The following CACNA1D variants were observed in gnomAD, a reference collection of about 807,000 sequenced individuals.
The protein encoded by CACNA1D is calcium voltage-gated channel subunit alpha1 D.
A neutral mutation model predicts 257.1 loss-of-function variants in CACNA1D; 55 were observed. That is an observed-to-expected ratio of 0.21 (90% confidence interval 0.17 to 0.27). The LOEUF (loss-of-function observed/expected upper bound fraction) is 0.27. Ranked by LOEUF, CACNA1D falls within the 10% of genes least tolerant of loss-of-function variation. The pLI is 1.00. For missense variants in CACNA1D, 1,876 were observed against 2,784.0 expected, an observed-to-expected ratio of 0.67 and a Z score of 7.34; for synonymous variants, 980 against 1,014.9, an observed-to-expected ratio of 0.97 and a Z score of 0.65.
chr3:53,805,095 T>C lies in CACNA1D; in HGVS notation c.5698T>C (p.Tyr1900His). 1 of 1,614,132 alleles carries C rather than the reference T, an allele frequency of 6.2e-7. No individual in the cohort carries two copies. The highest frequency in any genetic ancestry group is 8.5e-7 in the Non-Finnish European group (1 of 1,180,028). ...FLEDDDSPVC[Y>H]DSRRSPRRRL... is the part of the protein sequence containing the mutation. The stretch of plus-strand genomic sequence containing the variant: ...GGAGGACGATGACTCGCCCGTTTGC[T>C]ATGATTCACGGAGATCTCCAAGGAG... Residue 1900 changes from tyrosine to histidine, a missense_variant, in exon 45 of 48, where the codon TAT becomes CAT. Physicochemically the swap from Tyr to His is moderately conservative, Grantham distance 83. Transcript: ENST00000350061.
chr3:53,639,367 A>AAATGAGAT (rs1453373055), intron 3 of CACNA1D, among the ~76,000 whole-genome samples: 1 of 151,780 alleles, frequency 6.6e-6, no homozygotes, highest in Non-Finnish European at 1.5e-5. Context: ...AGCAACAGGG[A>AAATGAGAT]AATGAGATTT....
chr3:53,719,926 A>G, intron 11 of CACNA1D, 145 bp downstream of exon 11: 1 of 835,448 alleles, frequency 1.2e-6, no homozygotes, highest in Non-Finnish European at 2.1e-6. Context: ...AGTCAATTGA[A>G]TCCTATGAGC....
chr3:53,604,494 G>A lies in CACNA1D; in HGVS notation c.484-46285G>A, dbSNP rs2093482582. ...TCAAATGGAGGGCTTTTTGAAGAAG[G>A]CATTGAACACCTCCCCACCCACCCC... On this transcript the variant is annotated intron_variant, in intron 3 of 47. Coordinates refer to ENST00000350061, the MANE Select transcript of CACNA1D (RefSeq NM_001128840.3). 2.6e-5 allele frequency among the ~76,000 whole-genome samples: 4 copies of A among 152,142 alleles called. 1 individual carries two copies. The highest frequency in any genetic ancestry group is 5.9e-5 in the Non-Finnish European group (4 of 68,024).
At position 53,774,201 on chromosome 3, in the gene CACNA1D, T is replaced by G; in HGVS notation, c.4111-386T>G. 1 of 275,846 alleles carries G rather than the reference T, an allele frequency of 3.6e-6. No individual in the cohort carries two copies. The allele number at this position is 275,846 out of a possible 1,614,324, so 17.1% of individuals were successfully genotyped here. ...ACCTGATGTATCTTTCAGTTCTGAG[T>G]TTACATGTCACTTCCCCCTAGAGGC... is the stretch of plus-strand genomic sequence containing the variant. On this transcript the variant is annotated intron_variant, in intron 33 of 47. Coordinates refer to ENST00000350061, the MANE Select transcript of CACNA1D (RefSeq NM_001128840.3). This position sits in a 1 kb window ranked among gnomAD's most constrained non-coding sequence, Gnocchi z 4.3.
At chr3:53,569,205 G>C (rs1045345084) in intron 3 of CACNA1D, among the ~76,000 whole-genome samples, 1 of 152,116 alleles carries the variant, frequency 6.6e-6, no homozygotes, top group African/African-American at 2.4e-5. Flanking sequence ...ATCTTACCCA[G>C]TCTGGAGTTT....
At chr3:53,782,945 G>A (rs550514253) in intron 39 of CACNA1D, 2 of 152,202 alleles carry the variant, frequency 1.3e-5, no homozygotes, top group African/African-American at 4.8e-5. Context: ...TTGTAACAAT[G>A]TGCTTGAGCT....
intron 25 of CACNA1D, among the ~76,000 whole-genome samples, chr3:53,746,940 T>C (rs767579787): frequency 4.6e-5 from 7 of 152,206 alleles, no homozygotes; most frequent in Non-Finnish European, 7.3e-5. Context: ...TCCTAGAGCC[T>C]ACAGAGTTCT....
intron 40 of CACNA1D, chr3:53,799,833 C>A (rs1291500751): frequency 1.8e-5 from 5 of 284,066 alleles, no homozygotes; most frequent in Non-Finnish European, 3.4e-5. Flanking sequence ...GAGTCCACAT[C>A]AGCCTCCCTT....
At position 53,560,713 on chromosome 3, in the gene CACNA1D, A is replaced by G. The variant is rs560936716; in HGVS notation, c.483+58993A>G. 3.3e-5 allele frequency among the ~76,000 whole-genome samples: 5 copies of G among 152,350 alleles called. No homozygotes were observed. In the East Asian group the frequency reaches 9.6e-4, roughly 29 times the overall value. ...CCAATTAAACTATTGATTGACACTG[A>G]AATTTGAATTTCTTATACTTTTCAT... On this transcript the variant is annotated intron_variant, in intron 3 of 47. Transcript: ENST00000350061.
At chr3:53,781,065 T>C (rs1163623640) in intron 38 of CACNA1D, among the ~76,000 whole-genome samples, 1 of 152,254 alleles carries the variant, frequency 6.6e-6, no homozygotes, top group Admixed American at 6.5e-5. Context: ...TCCTCTATAC[T>C]GACATGTTAG....
intron 3 of CACNA1D, among the ~76,000 whole-genome samples, chr3:53,598,621 C>T (rs2093402347): frequency 6.6e-6 from 1 of 151,982 alleles, no homozygotes; most frequent in African/African-American, 2.4e-5. Flanking sequence ...AAAGCAAAGC[C>T]TTGTCCTGTT....
chr3:53,622,130 A>G (rs1341802552), intron 3 of CACNA1D, among the ~76,000 whole-genome samples: 2 of 151,880 alleles, frequency 1.3e-5, no homozygotes, highest in Non-Finnish European at 2.9e-5. Context: ...AGCTCACGGC[A>G]ACCTCTATCT....
chr3:53,560,404 A>C (rs62251903), intron 3 of CACNA1D, among the ~76,000 whole-genome samples: 27,235 of 152,190 alleles, frequency 0.18, 2,779 homozygotes, highest in Non-Finnish European at 0.24. Flanking sequence ...CTGTTTATTT[A>C]TTAATCAAAT....
chr3:53,779,901 T>C (rs771969567), intron 37 of CACNA1D, 125 bp from the exon 38 acceptor site: 20 of 764,106 alleles, frequency 2.6e-5, no homozygotes, highest in Non-Finnish European at 4.2e-5. Flanking sequence ...CCCAAATGGC[T>C]GTTGAATGGA....
At chr3:53,691,120 AAG>A (rs1313322735) in intron 8 of CACNA1D, among the ~76,000 whole-genome samples, 1 of 152,016 alleles carries the variant, frequency 6.6e-6, no homozygotes, top group East Asian at 1.9e-4. Context: ...GATGGCAGAA[AAG>A]AGAGCCCATG....
At chr3:53,520,782 T>C (rs529992429) in intron 3 of CACNA1D, among the ~76,000 whole-genome samples, 1 of 152,056 alleles carries the variant, frequency 6.6e-6, no homozygotes, top group South Asian at 2.1e-4. Context: ...AAAAAAATTA[T>C]TGGTTTATAA....
At chr3:53,662,533 C>T (rs1349502980) in intron 5 of CACNA1D, among the ~76,000 whole-genome samples, 1 of 152,194 alleles carries the variant, frequency 6.6e-6, no homozygotes, top group Non-Finnish European at 1.5e-5. Context: ...TCTGGTCTAC[C>T]TGCATCTTTT....
rs758936849 is a variant in CACNA1D at position 53,801,338 on chromosome 3, T to A, written c.5321T>A (p.Ile1774Asn). ...SKAAHGKRPSIGNLEHVSENG... is the reference protein window; with the variant it reads ...SKAAHGKRPSNGNLEHVSENG... The stretch of plus-strand genomic sequence containing the variant: ...GCTGCCCATGGAAAGCGGCCCAGCA[T>A]TGGGAACCTTGAGCATGTGTCTGAA... Residue 1774 changes from isoleucine to asparagine, a missense_variant, in exon 42 of 48, where the codon ATT (isoleucine) becomes AAT (asparagine). Transcript: ENST00000350061. The A allele has an allele frequency of 8.7e-6, 14 of 1,614,090 alleles. No individual in the cohort carries two copies. Among genetic ancestry groups the A allele is most frequent in the Admixed American group, 3.3e-5 (2 of 60,000 alleles).
At chr3:53,804,863 C>G in intron 44 of CACNA1D, 120 bp from the exon 45 acceptor site, 1 of 968,758 alleles carries the variant, frequency 1.0e-6, no homozygotes, top group Non-Finnish European at 1.7e-6. Flanking sequence ...GCCTTGTTCT[C>G]AGCCAATCCT....
Sources: gnomAD v4.1 joint callset for allele counts (sites outside exome capture counted in the v4.1 genomes callset) on GRCh38, gnomAD v4.1.1 for gene constraint, Gnocchi (gnomAD v3.1) non-coding constraint, MANE v1.5 for transcripts, NCBI Gene and HGNC (gene_info 2026-07-23, HGNC 2026-07-21) for gene names.